The following RAB3C variants were observed in gnomAD, a reference collection of about 807,000 sequenced individuals.
The protein encoded by RAB3C is ras-related protein Rab-3C.
RAB3C carries 17 observed loss-of-function variants against 26.4 expected under a neutral mutation model. That is an observed-to-expected ratio of 0.64 (90% CI 0.44 to 0.97). The LOEUF (loss-of-function observed/expected upper bound fraction) is 0.97, where lower values mean the gene tolerates loss of function less well. Ranked by LOEUF, RAB3C falls within the 50% of genes least tolerant of loss-of-function variation. RAB3C has a pLI of 0.00. For missense variants in RAB3C, 242 were observed against 281.9 expected (o/e 0.86, Z 1.01); for synonymous variants, 91 against 95.9 (o/e 0.95, Z 0.30).
chr5:58,690,333 G>T (rs1359772866), intron 2 of RAB3C, among the ~76,000 whole-genome samples: 1 of 152,000 alleles, frequency 6.6e-6, no homozygotes, highest in Non-Finnish European at 1.5e-5. Context: ...TAAGTTTTAG[G>T]CTTAAAATAT....
At chr5:58,703,269 G>A (rs926724226) in intron 2 of RAB3C, among the ~76,000 whole-genome samples, 36 of 150,478 alleles carry the variant, frequency 2.4e-4, no homozygotes, top group African/African-American at 8.6e-4. Flanking sequence ...CGCAAACTCT[G>A]CCTCCTGGAT....
At chr5:58,724,119 G>GT (rs1328482559) in intron 2 of RAB3C, among the ~76,000 whole-genome samples, 1 of 151,656 alleles carries the variant, frequency 6.6e-6, no homozygotes, top group Non-Finnish European at 1.5e-5. Context: ...TCAAACTTCT[G>GT]TACTTGTAAG....
intron 2 of RAB3C, among the ~76,000 whole-genome samples, chr5:58,694,189 G>A (rs553745670): frequency 2.0e-5 from 3 of 152,172 alleles, no homozygotes; most frequent in Admixed American, 6.5e-5. Context: ...GCAGTCTTTG[G>A]TTTCCTGTCC....
At chr5:58,795,757 A>T (rs1742630627) in intron 3 of RAB3C, among the ~76,000 whole-genome samples, 1 of 152,160 alleles carries the variant, frequency 6.6e-6, no homozygotes, top group African/African-American at 2.4e-5. Context: ...CTGGGAGCTG[A>T]TGCAAAGAAA....
At chr5:58,776,773 C>T (rs1484124729) in intron 3 of RAB3C, among the ~76,000 whole-genome samples, 1 of 152,058 alleles carries the variant, frequency 6.6e-6, no homozygotes, top group Admixed American at 6.6e-5. Context: ...GGGGAGGTTC[C>T]GCTCTATACA....
intron 3 of RAB3C, among the ~76,000 whole-genome samples, chr5:58,766,232 TCAGC>T (rs1741900537): frequency 6.6e-6 from 1 of 151,658 alleles, no homozygotes; most frequent in Non-Finnish European, 1.5e-5. Context: ...ATTCTCTGCC[TCAGC>T]CTCCAGAGTA....
intron 3 of RAB3C, among the ~76,000 whole-genome samples, chr5:58,771,743 T>C (rs1056726579): frequency 6.6e-6 from 1 of 152,102 alleles, no homozygotes; most frequent in African/African-American, 2.4e-5. Context: ...TAGACTGTTG[T>C]GAATGTCTCA....
chr5:58,603,214 T>C (rs553969355), intron 1 of RAB3C, among the ~76,000 whole-genome samples: 40 of 152,222 alleles, frequency 2.6e-4, no homozygotes, highest in Non-Finnish European at 4.7e-4. Context: ...CTTTATAGGT[T>C]ACCTGGTGCT....
At chr5:58,600,654 G>A (rs992542280) in intron 1 of RAB3C, among the ~76,000 whole-genome samples, 1 of 152,124 alleles carries the variant, frequency 6.6e-6, no homozygotes, top group African/African-American at 2.4e-5. Flanking sequence ...CTTAGTTGCT[G>A]TTGGTGTATA....
At chr5:58,607,556 C>T (rs922573701) in intron 1 of RAB3C, among the ~76,000 whole-genome samples, 2 of 152,100 alleles carry the variant, frequency 1.3e-5, no homozygotes, top group African/African-American at 2.4e-5. Context: ...TCAGGAAATA[C>T]AGAGAACACC....
chr5:58,644,111 C>T (rs1456783238), intron 2 of RAB3C, among the ~76,000 whole-genome samples: 1 of 152,186 alleles, frequency 6.6e-6, no homozygotes, highest in Non-Finnish European at 1.5e-5. Flanking sequence ...TGAACCACTG[C>T]ACCCAGCCGA....
At chr5:58,809,020 G>C (rs939598184) in intron 3 of RAB3C, among the ~76,000 whole-genome samples, 2 of 152,172 alleles carry the variant, frequency 1.3e-5, no homozygotes, top group African/African-American at 4.8e-5. Flanking sequence ...AATGTTGCTA[G>C]CTTCTCTACC....
chr5:58,714,819 G>C (rs185792636), intron 2 of RAB3C, among the ~76,000 whole-genome samples: 36 of 151,564 alleles, frequency 2.4e-4, no homozygotes, highest in African/African-American at 8.7e-4. Context: ...TTCAACCAAA[G>C]AGAAAGCAGG....
Position 58,773,683 on chromosome 5 carries a change from A to C in RAB3C, c.371+47563A>C, listed in dbSNP as rs534014713. On this transcript the variant is annotated intron_variant, in intron 3 of 4. Coordinates refer to ENST00000282878, the MANE Select transcript of RAB3C (RefSeq NM_138453.4). ...CTGGGGGAAAGGAGGCACAGCTGTCAATCAGTGGCATTCCTCAAAATCAAG... is the reference window on the plus strand; with the variant it reads ...CTGGGGGAAAGGAGGCACAGCTGTCCATCAGTGGCATTCCTCAAAATCAAG... Among the ~76,000 whole-genome samples the C allele has an allele frequency of 2.6e-5, 4 of 152,246 alleles. No individual in the cohort carries two copies. The South Asian group carries it at 6.2e-4, about 24-fold the overall frequency.
chr5:58,606,996 C>T (rs972952412), intron 1 of RAB3C, among the ~76,000 whole-genome samples: 39 of 152,150 alleles, frequency 2.6e-4, no homozygotes, highest in African/African-American at 5.6e-4. Flanking sequence ...AAAACCAGCG[C>T]GCCTCTTCTC....
intron 2 of RAB3C, among the ~76,000 whole-genome samples, chr5:58,673,130 G>A (rs1409909280): frequency 2.0e-5 from 3 of 152,096 alleles, no homozygotes; most frequent in African/African-American, 7.2e-5. Context: ...TGTGTTCTAG[G>A]CATTAGGCAA....
rs1218915018 is a variant in RAB3C, at chr5:58,663,129, G to C, written c.252+45259G>C. Among the ~76,000 whole-genome samples the C allele has an allele frequency of 1.3e-5, 2 of 149,792 alleles. 1 individual carries two copies. The highest frequency in any genetic ancestry group is 5.1e-5 in the African/African-American group (2 of 39,490). On this transcript the variant is annotated intron_variant, in intron 2 of 4. Transcript: ENST00000282878. Reference sequence around the variant, plus strand: ...GTATTTAATTAATAGGGACAGAAAAGTTATGTCTAAATATACAAAGTATGC... The same window carrying C: ...GTATTTAATTAATAGGGACAGAAAACTTATGTCTAAATATACAAAGTATGC...
At chr5:58,638,711 A>C (rs1425791310) in intron 2 of RAB3C, among the ~76,000 whole-genome samples, 1 of 152,214 alleles carries the variant, frequency 6.6e-6, no homozygotes, top group Non-Finnish European at 1.5e-5. Flanking sequence ...ATTATATGTC[A>C]CCTCGGGCAC....
At chr5:58,715,235 T>A (rs941398071) in intron 2 of RAB3C, among the ~76,000 whole-genome samples, 4 of 152,040 alleles carry the variant, frequency 2.6e-5, no homozygotes, top group African/African-American at 9.7e-5. Flanking sequence ...GCATCTTTTT[T>A]TTTTCTTCTT....
Sources: allele counts gnomAD v4.1 joint callset (sites outside exome capture counted in the v4.1 genomes callset), GRCh38; gene constraint gnomAD v4.1.1; transcripts MANE v1.5; gene names NCBI Gene and HGNC (gene_info 2026-07-23, HGNC 2026-07-21).